Variants in NGEF observed in about 807,000 individuals in gnomAD.
NGEF encodes ephexin-1.
NGEF carries 31 observed loss-of-function variants against 80.9 expected under a neutral mutation model. That is an observed-to-expected ratio of 0.38 (90% confidence interval 0.29 to 0.52). The LOEUF is 0.52. NGEF is among the 20% of genes least tolerant of loss of function. The pLI is 0.84. For missense variants in NGEF, 709 were observed against 926.2 expected (o/e 0.77, Z 3.04); for synonymous variants, 371 against 370.2 (o/e 1.00, Z -0.03).
chr2:232,959,479 G>A (rs978946157), intron 3 of NGEF, among the ~76,000 whole-genome samples: 3 of 151,988 alleles, frequency 2.0e-5, no homozygotes, highest in African/African-American at 7.2e-5. Flanking sequence ...TACATACAAG[G>A]AACAGTGTGG....
At chr2:232,926,821 G>A (rs1436721004) in intron 4 of NGEF, among the ~76,000 whole-genome samples, 1 of 152,196 alleles carries the variant, frequency 6.6e-6, no homozygotes, top group Non-Finnish European at 1.5e-5. Context: ...GCAGAGAGCA[G>A]GACAGAAATG....
chr2:232,900,992 T>C lies in NGEF; in HGVS notation c.829-6076A>G, dbSNP rs557998931. Among the ~76,000 whole-genome samples, 292 of 152,342 alleles carry C rather than the reference T, an allele frequency of 1.9e-3. 1 individual carries two copies. The highest frequency in any genetic ancestry group is 6.7e-3 in the African/African-American group (279 of 41,570). On this transcript the variant is annotated intron_variant, in intron 5 of 14. Transcript: ENST00000264051. Reference sequence around the variant, plus strand: ...GGAGTTAGGGCCGCCTACACCACCCTGTTCAAGTCACACATTTGAAAAACA... The same window carrying C: ...GGAGTTAGGGCCGCCTACACCACCCCGTTCAAGTCACACATTTGAAAAACA...
At chr2:232,935,858 A>G (rs774380700) in intron 3 of NGEF, among the ~76,000 whole-genome samples, 10 of 152,290 alleles carry the variant, frequency 6.6e-5, no homozygotes, top group Non-Finnish European at 1.0e-4. Context: ...TAGTGAGAAG[A>G]CATTTCTCAA....
chr2:232,906,284 A>C (rs1299301687), intron 5 of NGEF, among the ~76,000 whole-genome samples: 8 of 104,874 alleles, frequency 7.6e-5, no homozygotes, highest in South Asian at 7.0e-4. Flanking sequence ...TCTGCCCGGC[A>C]GCCCCTACTG....
At chr2:232,995,827 G>C (rs966968761) in intron 1 of NGEF, among the ~76,000 whole-genome samples, 2 of 147,336 alleles carry the variant, frequency 1.4e-5, no homozygotes, top group African/African-American at 2.5e-5. Flanking sequence ...CATGCATATT[G>C]TGTATATGTA....
chr2:232,961,025 A>G (rs1693940440), intron 3 of NGEF, among the ~76,000 whole-genome samples: 1 of 152,160 alleles, frequency 6.6e-6, no homozygotes. Flanking sequence ...CGTGCTGCCC[A>G]GCTCACCATG....
chr2:232,886,389 T>C (rs917259336), intron 9 of NGEF, among the ~76,000 whole-genome samples: 5 of 151,546 alleles, frequency 3.3e-5, no homozygotes, highest in African/African-American at 1.2e-4. Flanking sequence ...GTGTGATATG[T>C]ATGGGCGTGT....
chr2:232,958,969 T>C (rs1693889791), intron 3 of NGEF, among the ~76,000 whole-genome samples: 1 of 152,130 alleles, frequency 6.6e-6, no homozygotes, highest in Non-Finnish European at 1.5e-5. Flanking sequence ...TTCTAAAAGA[T>C]ATTGAGGTTA....
intron 8 of NGEF, among the ~76,000 whole-genome samples, chr2:232,890,097 G>A (rs1691829264): frequency 7.9e-6 from 1 of 125,968 alleles, no homozygotes; most frequent in Non-Finnish European, 1.8e-5. Flanking sequence ...GCCTCACTGG[G>A]TTGTCAGGCA....
In NGEF at chr2:232,928,533, A is replaced by T. The variant is rs1216661779; in HGVS notation, c.384-1347T>A. On this transcript the variant is annotated intron_variant, in intron 3 of 14. Transcript: ENST00000264051. ...CCCCTGCGGTCTCCCGCAGGGTCGC[A>T]GCTCGGCGACCCGCTCTGAAGCTCC... Among the ~76,000 whole-genome samples the T allele has an allele frequency of 2.0e-5, 3 of 152,068 alleles. No individual in the cohort carries two copies. In the East Asian group the frequency reaches 5.8e-4, roughly 29 times the overall value.
chr2:232,887,989 A>G, intron 9 of NGEF, 44 bp downstream of exon 9: 3 of 1,495,554 alleles, frequency 2.0e-6, no homozygotes, highest in Non-Finnish European at 2.8e-6. Flanking sequence ...CTGGATGAGG[A>G]AAACAGTGCA....
At chr2:233,012,627 G>A in intron 1 of NGEF, 1 of 338,276 alleles carries the variant, frequency 3.0e-6, no homozygotes, top group Non-Finnish European at 5.7e-6. Context: ...GGCGTCGTGG[G>A]TGTGGGGCCT....
chr2:232,928,446 C>G (rs1046294656), intron 3 of NGEF, among the ~76,000 whole-genome samples: 2 of 151,624 alleles, frequency 1.3e-5, no homozygotes, highest in African/African-American at 4.8e-5. Flanking sequence ...CTGGAAGGGG[C>G]GGGCGAGGCC....
At chr2:233,000,677 G>A (rs754169222) in intron 1 of NGEF, among the ~76,000 whole-genome samples, 1 of 151,572 alleles carries the variant, frequency 6.6e-6, no homozygotes. Flanking sequence ...GGAGAATGGC[G>A]TGAACCTGGG....
chr2:232,959,576 G>T (rs1693902258), intron 3 of NGEF, among the ~76,000 whole-genome samples: 1 of 120,560 alleles, frequency 8.3e-6, no homozygotes, highest in Admixed American at 9.5e-5. Context: ...CCACAGCAAT[G>T]ACCTTTTTTT....
intron 1 of NGEF, among the ~76,000 whole-genome samples, chr2:232,985,722 C>T (rs1694519458): frequency 6.6e-6 from 1 of 152,012 alleles, no homozygotes; most frequent in Admixed American, 6.6e-5. Flanking sequence ...CACTGCACTC[C>T]AGCCTAGGCG....
intron 1 of NGEF, among the ~76,000 whole-genome samples, chr2:232,977,474 G>A (rs1344229745): frequency 6.6e-6 from 1 of 152,198 alleles, no homozygotes; most frequent in Non-Finnish European, 1.5e-5. Context: ...GCGCTGTTGA[G>A]GTTTTAGAGT....
rs532907456 is a variant in NGEF at position 232,880,410 on chromosome 2, C to G, written c.1943-731G>C. The stretch of plus-strand genomic sequence containing the variant: ...GGAGGGGAGCAGGCTAGTTATATTC[C>G]ATGGGAAGAGGGCAGGAGAGCCCCT... On this transcript the variant is annotated intron_variant, in intron 14 of 14. Transcript: ENST00000264051. Among the ~76,000 whole-genome samples the G allele has an allele frequency of 4.6e-5, 7 of 152,326 alleles. No homozygotes were observed. In the South Asian group the frequency reaches 1.5e-3, roughly 32 times the overall value.
intron 3 of NGEF, among the ~76,000 whole-genome samples, chr2:232,932,041 T>A (rs1164999478): frequency 6.6e-6 from 1 of 152,196 alleles, no homozygotes; most frequent in Non-Finnish European, 1.5e-5. Context: ...TGGTAACTGG[T>A]ATGGTAAAAT....
Sources: allele counts gnomAD v4.1 joint callset (sites outside exome capture counted in the v4.1 genomes callset), GRCh38; gene constraint gnomAD v4.1.1; transcripts MANE v1.5; gene names NCBI Gene and HGNC (gene_info 2026-07-23, HGNC 2026-07-21).